The following AEBP1 variants were observed in gnomAD, a reference collection of about 807,000 sequenced individuals.
AEBP1 encodes adipocyte enhancer-binding protein 1.
In AEBP1, 69 loss-of-function variants were observed where a neutral mutation model predicts 116.5. The observed-to-expected ratio is 0.59, with a 90% CI of 0.49 to 0.72. The LOEUF (loss-of-function observed/expected upper bound fraction) is 0.72. Among genes scored for constraint, AEBP1 ranks in the 30% least tolerant of loss-of-function variants. AEBP1 has a pLI of 0.00. For synonymous variants in AEBP1, 627 were observed against 627.3 expected (o/e 1.00, Z 0.01); for missense variants, 1,444 against 1,557.5 (o/e 0.93, Z 1.23).
At position 44,104,901 on chromosome 7, in the gene AEBP1, C is replaced by G. The variant is rs773952615; in HGVS notation, c.236C>G (p.Pro79Arg). 6 of 1,545,590 alleles carry G rather than the reference C, an allele frequency of 3.9e-6. No homozygotes were observed. In the South Asian group the frequency reaches 7.1e-5, roughly 18 times the overall value. The change falls in exon 1 of 21, where the codon CCA becomes CGA. Residue 79 changes from proline (P) to arginine (R), a missense_variant. By Grantham distance (103) the Pro-to-Arg change is moderately radical (BLOSUM62 -2). Coordinates refer to ENST00000223357, the MANE Select transcript of AEBP1 (RefSeq NM_001129.5). ...AQAGGKPGKR[P>R]GTAAEVPPEK... ...GCGGGGGGCAAGCCAGGGAAGCGGC[C>G]AGGGACGGCCGCAGAAGGTAAGAGC... is the stretch of plus-strand genomic sequence containing the variant.
chr7:44,112,373 G>A lies in AEBP1; in HGVS notation c.2217+52G>A, dbSNP rs750684277. On this transcript the variant is annotated intron_variant, in intron 17 of 20. Transcript: ENST00000223357. The surrounding 1 kb of genome is among the most constrained non-coding windows in gnomAD (Gnocchi z 6.6). ...CAGGAGGGAGCAGCTGGACCCTGGG[G>A]TCCTGGTGTTCTGGGCTTGGGGGTG... 1.3e-6 allele frequency: 2 copies of A among 1,510,314 alleles called. No homozygotes were observed. Among genetic ancestry groups the A allele is most frequent in the Non-Finnish European group, 1.8e-6 (2 of 1,129,684 alleles). 93.6% of individuals were successfully genotyped at this position (1,510,314 alleles called of 1,614,324 possible). A position where few individuals can be genotyped will look rare whatever the true frequency, so the allele number is the denominator to read the frequency against.
chr7:44,107,823 C>T lies in AEBP1; in HGVS notation c.754C>T (p.Arg252Cys), dbSNP rs758987524. 12 of 1,611,432 alleles carry T rather than the reference C, an allele frequency of 7.4e-6. No homozygotes were observed. Among genetic ancestry groups the T allele is most frequent in the South Asian group, 2.2e-5 (2 of 90,900 alleles). Residue 252 changes from arginine (R) to cysteine (C), a missense_variant, in exon 5 of 21, where the codon CGC becomes TGC. Physicochemically the swap from Arg to Cys is radical, Grantham distance 180 (BLOSUM62 -3). Coordinates refer to ENST00000223357, the MANE Select transcript of AEBP1 (RefSeq NM_001129.5). This position sits in a 1 kb window ranked among gnomAD's most constrained non-coding sequence, Gnocchi z 4.3. ...CTCCCCCTCAGTTGAGTACATTCGG[C>T]GCCAGAAGCAACCCAGGCCACCCCC... ...EDYEDFEYIR[R>C]QKQPRPPPSR...
intron 1 of AEBP1, chr7:44,106,327 A>G (rs1429618190): frequency 1.4e-6 from 1 of 700,602 alleles, no homozygotes; most frequent in East Asian, 2.8e-5. Flanking sequence ...GTCTTTAGAG[A>G]GGTTGAGATT....
rs2096225491 is a variant in AEBP1 at position 44,108,578 on chromosome 7, A to T, written c.941-321A>T. Among the ~76,000 whole-genome samples, 1 of 151,022 alleles carries T rather than the reference A, an allele frequency of 6.6e-6. No homozygotes were observed. The highest frequency in any genetic ancestry group is 1.5e-5 in the Non-Finnish European group (1 of 67,690). ...CCATCAGTGCCTCCAATGTCTCCCCATCTCACCCCCCAGCCCGCAACCCCA... is the reference window on the plus strand; with the variant it reads ...CCATCAGTGCCTCCAATGTCTCCCCTTCTCACCCCCCAGCCCGCAACCCCA... On this transcript the variant is annotated intron_variant, in intron 6 of 20. Transcript: ENST00000223357. This position sits in a 1 kb window ranked among gnomAD's most constrained non-coding sequence, Gnocchi z 5.0.
At position 44,110,192 on chromosome 7, in the gene AEBP1, C is replaced by T. The variant is rs570274900; in HGVS notation, c.1261-15C>T. 2.5e-6 allele frequency: 4 copies of T among 1,613,554 alleles called. No individual in the cohort carries two copies. In the South Asian group the frequency reaches 4.4e-5, roughly 18 times the overall value. On this transcript the variant is annotated splice_polypyrimidine_tract_variant and intron_variant, in intron 10 of 20. Coordinates refer to ENST00000223357, the MANE Select transcript of AEBP1 (RefSeq NM_001129.5). ...CTCCTCCGCCCATGCTCAGCCTCCC[C>T]TGCCCCCTGGACAGACCGGTGCCAC...
chr7:44,112,941 G>A lies in AEBP1; in HGVS notation c.2569+32G>A, dbSNP rs555904973. 2.5e-6 allele frequency: 4 copies of A among 1,612,546 alleles called. No individual in the cohort carries two copies. In the South Asian group the frequency reaches 4.4e-5, roughly 18 times the overall value. On this transcript the variant is annotated intron_variant, in intron 18 of 20. Transcript: ENST00000223357. This position sits in a 1 kb window ranked among gnomAD's most constrained non-coding sequence, Gnocchi z 6.6. The stretch of plus-strand genomic sequence containing the variant: ...CAGCCTGGGAGGGGCTGTGGGCGGG[G>A]CCTGGTCCGGAGAGGGGCTGACTTT...
chr7:44,104,945 G>A, intron 1 of AEBP1, 27 bp downstream of exon 1: 2 of 1,499,798 alleles, frequency 1.3e-6, no homozygotes, highest in Non-Finnish European at 1.8e-6. Context: ...GGGCGGGGGT[G>A]TGGGGGGCTG....
rs1253537826 is a variant in AEBP1 at position 44,110,487 on chromosome 7, G to C, written c.1400+141G>C. The C allele has an allele frequency of 4.6e-6, 6 of 1,303,886 alleles. No homozygotes were observed. The South Asian group carries it at 8.6e-5, about 19-fold the overall frequency. 80.8% of individuals were successfully genotyped at this position (1,303,886 alleles called of 1,614,324 possible). A position where few individuals can be genotyped will look rare whatever the true frequency, so the allele number is the denominator to read the frequency against. On this transcript the variant is annotated intron_variant, in intron 11 of 20. Coordinates refer to ENST00000223357, the MANE Select transcript of AEBP1 (RefSeq NM_001129.5). The stretch of plus-strand genomic sequence containing the variant: ...AAAAGATCAGTGAGGGACTCACCCT[G>C]CCCATCCCCACTCCTCAGCCTGGTC...
rs549720969 is a variant in AEBP1, at chr7:44,113,926, A to T, written c.3142A>T (p.Thr1048Ser). 3.0e-5 allele frequency: 49 copies of T among 1,613,426 alleles called. No individual in the cohort carries two copies. The highest frequency in any genetic ancestry group is 3.6e-5 in the Non-Finnish European group (42 of 1,179,922). Residue 1048 changes from threonine (T) to serine (S), a missense_variant, in exon 21 of 21, where the codon ACT becomes TCT. Coordinates refer to ENST00000223357, the MANE Select transcript of AEBP1 (RefSeq NM_001129.5). The surrounding 1 kb of genome is among the most constrained non-coding windows in gnomAD (Gnocchi z 5.3). ...LNATTTLGPH[T>S]VPPTLPPAPA... is the part of the protein sequence containing the mutation. ...CGCCACCACCACCCTAGGCCCCCACACTGTGCCTCCCACGCTGCCCCCTGC... is the reference window on the plus strand; with the variant it reads ...CGCCACCACCACCCTAGGCCCCCACTCTGTGCCTCCCACGCTGCCCCCTGC...
In AEBP1 at chr7:44,111,299, T is replaced by G. The variant is rs977957193; in HGVS notation, c.1716+60T>G. 6.2e-6 allele frequency: 9 copies of G among 1,460,404 alleles called. No individual in the cohort carries two copies. The highest frequency in any genetic ancestry group is 8.2e-6 in the Non-Finnish European group (9 of 1,098,236). 90.5% of individuals were successfully genotyped at this position (1,460,404 alleles called of 1,614,324 possible). A position where few individuals can be genotyped will look rare whatever the true frequency, so the allele number is the denominator to read the frequency against. On this transcript the variant is annotated intron_variant, in intron 14 of 20. Coordinates refer to ENST00000223357, the MANE Select transcript of AEBP1 (RefSeq NM_001129.5). The surrounding 1 kb of genome is among the most constrained non-coding windows in gnomAD (Gnocchi z 4.7). Reference sequence around the variant, plus strand: ...CCTGTCTGTGGCTGACGGGAGTGTGTGCCTGGTGCTTCTGTCACTGGGCCC... The same window carrying G: ...CCTGTCTGTGGCTGACGGGAGTGTGGGCCTGGTGCTTCTGTCACTGGGCCC...
In AEBP1 at chr7:44,108,038, G is replaced by A. The variant is rs1292082496; in HGVS notation, c.894G>A (p.Leu298=). 7 of 1,598,600 alleles carry A rather than the reference G, an allele frequency of 4.4e-6. No homozygotes were observed. The highest frequency in any genetic ancestry group is 6.0e-6 in the Non-Finnish European group (7 of 1,174,158). Residue 298 remains leucine (L), a synonymous_variant, in exon 6 of 21, where the codon CTG becomes CTA. Coordinates refer to ENST00000223357, the MANE Select transcript of AEBP1 (RefSeq NM_001129.5). This position sits in a 1 kb window ranked among gnomAD's most constrained non-coding sequence, Gnocchi z 5.0. The part of the protein sequence containing the change: ...EPPVKPLLPP[L]PPDYGDGYVI... Reference sequence around the variant, plus strand: ...CTGTGAAGCCTCTGCTGCCCCCGCTGCCCCCTGACTATGGTGATGGTTACG... The same window carrying A: ...CTGTGAAGCCTCTGCTGCCCCCGCTACCCCCTGACTATGGTGATGGTTACG...
intron 9 of AEBP1, 131 bp downstream of exon 9, chr7:44,109,472 GA>G: frequency 8.7e-7 from 1 of 1,143,556 alleles, no homozygotes; most frequent in Non-Finnish European, 1.2e-6. Flanking sequence ...TTGGGACCCA[GA>G]AGGGAGGGGC....
chr7:44,110,479 C>T (rs2096228030), intron 11 of AEBP1, 133 bp downstream of exon 11: 2 of 1,348,224 alleles, frequency 1.5e-6, no homozygotes, highest in African/African-American at 1.5e-5. Context: ...CAGTGAGGGA[C>T]TCACCCTGCC....
Position 44,112,444 on chromosome 7 carries a change from G to A in AEBP1, c.2218-114G>A, listed in dbSNP as rs551033235. 1.4e-6 allele frequency: 2 copies of A among 1,394,234 alleles called. No individual in the cohort carries two copies. The highest frequency in any genetic ancestry group is 4.8e-5 in the East Asian group (2 of 41,672). 86.4% of individuals were successfully genotyped at this position (1,394,234 alleles called of 1,614,324 possible). A position where few individuals can be genotyped will look rare whatever the true frequency, so the allele number is the denominator to read the frequency against. On this transcript the variant is annotated intron_variant, in intron 17 of 20. Transcript: ENST00000223357. The surrounding 1 kb of genome is among the most constrained non-coding windows in gnomAD (Gnocchi z 6.6). ...CCAGACGCTGAGGCTCTGGGGGTTG[G>A]GGGACAGGGGATCGTGCGAGTACTG...
rs1222029407 is a variant in AEBP1 at position 44,112,283 on chromosome 7, T to C, written c.2179T>C (p.Leu727=). The C allele has an allele frequency of 6.3e-7, 1 of 1,583,802 alleles. No homozygotes were observed. The highest frequency in any genetic ancestry group is 1.8e-5 in the Admixed American group (1 of 56,262). The change falls in exon 17 of 21, where the codon TTG becomes CTG. Residue 727 remains leucine (L), a synonymous_variant. Coordinates refer to ENST00000223357, the MANE Select transcript of AEBP1 (RefSeq NM_001129.5). The surrounding 1 kb of genome is among the most constrained non-coding windows in gnomAD (Gnocchi z 6.6). The part of the protein sequence containing the change: ...WVPYRVPNNN[L]PIPERYLSPD... ...CCCCTACCGGGTCCCCAACAATAAC[T>C]TGCCCATCCCTGAACGCTACCTTTC...
rs200692961 is a variant in AEBP1 at position 44,111,070 on chromosome 7, G to A, written c.1630+13G>A. On this transcript the variant is annotated intron_variant, in intron 13 of 20. Transcript: ENST00000223357. This position sits in a 1 kb window ranked among gnomAD's most constrained non-coding sequence, Gnocchi z 4.7. ...TGCTCTGTGGCCCGTGAGTGTGGAG[G>A]GCTGGCAGGGGCTCTGAGTGGAGGT... The A allele has an allele frequency of 2.5e-5, 40 of 1,602,774 alleles. No individual in the cohort carries two copies. The highest frequency in any genetic ancestry group is 3.0e-5 in the Non-Finnish European group (35 of 1,172,812).
At position 44,110,984 on chromosome 7, in the gene AEBP1, C is replaced by T. The variant is rs1334413068; in HGVS notation, c.1557C>T (p.Phe519=). 3.7e-6 allele frequency: 6 copies of T among 1,613,828 alleles called. No homozygotes were observed. Among genetic ancestry groups the T allele is most frequent in the Non-Finnish European group, 4.2e-6 (5 of 1,179,994 alleles). The change falls in exon 13 of 21, where the codon TTC becomes TTT. Residue 519 remains phenylalanine (F), a synonymous_variant. Coordinates refer to ENST00000223357, the MANE Select transcript of AEBP1 (RefSeq NM_001129.5). ...TCCCAGAGCCGGTGGTGGCTCGTTT[C>T]ATCCGCATCTACCCACTCACCTGGA... ...SELPEPVVAR[F]IRIYPLTWNG...
intron 9 of AEBP1, 84 bp from the exon 10 acceptor site, chr7:44,109,931 G>A (rs1256936289): frequency 5.5e-6 from 7 of 1,273,610 alleles, no homozygotes; most frequent in Non-Finnish European, 6.6e-6. Flanking sequence ...TGTGCCGGGA[G>A]TGGGCTCTGG....
At position 44,113,691 on chromosome 7, in the gene AEBP1, T is replaced by C; in HGVS notation, c.2907T>C (p.Val969=). ...GYTPSAKTCN[V]DYDIGATQCN... ...CCCCGAGCGCCAAGACCTGCAATGTTGACTATGACATCGGGGCCACTCAGT... is the reference window on the plus strand; with the variant it reads ...CCCCGAGCGCCAAGACCTGCAATGTCGACTATGACATCGGGGCCACTCAGT... The change falls in exon 21 of 21, where the codon GTT becomes GTC. Residue 969 remains valine, a synonymous_variant. Transcript: ENST00000223357. The surrounding 1 kb of genome is among the most constrained non-coding windows in gnomAD (Gnocchi z 5.3). 1 of 1,613,992 alleles carries C rather than the reference T, an allele frequency of 6.2e-7. No homozygotes were observed. The highest frequency in any genetic ancestry group is 8.5e-7 in the Non-Finnish European group (1 of 1,179,976).
Sources: allele counts gnomAD v4.1 joint callset (sites outside exome capture counted in the v4.1 genomes callset), GRCh38; gene constraint gnomAD v4.1.1; non-coding constraint Gnocchi (gnomAD v3.1); transcripts MANE v1.5; gene names NCBI Gene and HGNC (gene_info 2026-07-23, HGNC 2026-07-21).